CHN1: variants seen among roughly 807,000 people sequenced by gnomAD.
CHN1 encodes N-chimaerin.
Under a neutral mutation model 59.5 loss-of-function variants are expected in CHN1, and 37 were observed. The ratio of observed to expected loss-of-function variants is 0.62; its 90% CI spans 0.48 to 0.82. The LOEUF (loss-of-function observed/expected upper bound fraction) is 0.82. Ranked by LOEUF, CHN1 falls within the 40% of genes least tolerant of loss-of-function variation. The probability of loss-of-function intolerance (pLI) is 0.00; values close to 1 mark genes in which losing one functional copy is unlikely to be tolerated. For synonymous variants in CHN1, 206 were observed against 200.4 expected (o/e 1.03, Z -0.24); for missense variants, 469 against 571.0 (o/e 0.82, Z 1.82).
intron 1 of CHN1, among the ~76,000 whole-genome samples, chr2:174,969,404 C>T (rs551085296): frequency 2.0e-5 from 3 of 152,282 alleles, no homozygotes; most frequent in Non-Finnish European, 2.9e-5. Context: ...GTCATGTGCA[C>T]GCACACCAAT....
At chr2:174,929,321 T>C (rs905840933) in intron 3 of CHN1, among the ~76,000 whole-genome samples, 1 of 152,234 alleles carries the variant, frequency 6.6e-6, no homozygotes, top group African/African-American at 2.4e-5. Context: ...CTGATGCCTG[T>C]AGTCCCAGCC....
chr2:174,919,087 AT>A (rs1244305355), intron 3 of CHN1, among the ~76,000 whole-genome samples: 3 of 152,168 alleles, frequency 2.0e-5, no homozygotes, highest in Non-Finnish European at 4.4e-5. Context: ...ATGCCCAGGA[AT>A]TTTCACAGGA....
intron 3 of CHN1, among the ~76,000 whole-genome samples, chr2:174,943,809 C>G (rs1441396844): frequency 1.3e-5 from 2 of 152,006 alleles, no homozygotes; most frequent in Non-Finnish European, 2.9e-5. Context: ...CAAAAATAAA[C>G]TATATCTACA....
Position 175,005,287 on chromosome 2 carries a change from G to A in CHN1, c.-375C>T. On this transcript the variant is annotated 5_prime_UTR_variant, in exon 1 of 13. Transcript: ENST00000409900. Reference sequence around the variant, plus strand: ...CTGGCGGCGGCGGCGGCGGCGACGGGGAGAGCAGCAGCAGCCTCGCACAGC... The same window carrying A: ...CTGGCGGCGGCGGCGGCGGCGACGGAGAGAGCAGCAGCAGCCTCGCACAGC... 1 of 1,188,362 alleles carries A rather than the reference G, an allele frequency of 8.4e-7. No homozygotes were observed. 73.6% of individuals were successfully genotyped at this position (1,188,362 alleles called of 1,614,324 possible).
chr2:174,843,401 G>T (rs1022580189), intron 7 of CHN1, among the ~76,000 whole-genome samples: 2 of 151,880 alleles, frequency 1.3e-5, no homozygotes, highest in African/African-American at 4.8e-5. Context: ...CACCACACCC[G>T]GCTAATTTTG....
At chr2:174,830,383 A>AG (rs1685837197) in intron 7 of CHN1, among the ~76,000 whole-genome samples, 1 of 152,246 alleles carries the variant, frequency 6.6e-6, no homozygotes, top group African/African-American at 2.4e-5. Context: ...TTAAATTAGG[A>AG]GGAATACTTA....
At chr2:174,811,681 G>T (rs1685079503) in intron 9 of CHN1, 93 bp from the exon 10 acceptor site, 2 of 680,596 alleles carry the variant, frequency 2.9e-6, no homozygotes, top group Admixed American at 3.1e-5. Context: ...TGTGTCAGAA[G>T]AAATAAAATA....
intron 1 of CHN1, among the ~76,000 whole-genome samples, chr2:174,957,740 G>A (rs1391565231): frequency 6.6e-6 from 1 of 152,072 alleles, no homozygotes; most frequent in Non-Finnish European, 1.5e-5. Context: ...GGCTAGGAAG[G>A]GAGGGAGCAC....
chr2:174,923,552 T>C (rs971968086), intron 3 of CHN1, among the ~76,000 whole-genome samples: 1 of 152,174 alleles, frequency 6.6e-6, no homozygotes. Flanking sequence ...CTTCAAATCA[T>C]GAGATCTTTG....
intron 6 of CHN1, among the ~76,000 whole-genome samples, chr2:174,864,765 AGGTAGGAGGATTGCT>A: frequency 6.6e-6 from 1 of 152,234 alleles, no homozygotes; most frequent in East Asian, 1.9e-4. Context: ...TCAGAGGCTC[AGGTAGGAGGATTGCT>A]TTAGTCCAGG....
At chr2:174,870,012 A>T (rs1687354389) in intron 6 of CHN1, among the ~76,000 whole-genome samples, 1 of 152,204 alleles carries the variant, frequency 6.6e-6, no homozygotes, top group African/African-American at 2.4e-5. Flanking sequence ...TATAAGATGA[A>T]GTAATGTAGA....
At chr2:174,894,564 G>T (rs1295016829) in intron 5 of CHN1, among the ~76,000 whole-genome samples, 2 of 147,998 alleles carry the variant, frequency 1.4e-5, no homozygotes, top group Non-Finnish European at 3.0e-5. Context: ...CAGTATGGAG[G>T]TTCCTCACAA....
rs182460413 is a variant in CHN1 at position 174,822,367 on chromosome 2, T to G, written c.712+2067A>C. Among the ~76,000 whole-genome samples the G allele has an allele frequency of 2.6e-3, 391 of 152,324 alleles. 1 individual carries two copies. Among genetic ancestry groups the G allele is most frequent in the African/African-American group, 9.0e-3 (374 of 41,570 alleles). ...TCTCCTTTCCCCCATATTATTGACA[T>G]GATAAATGTTCCAAAACATTTCTTT... On this transcript the variant is annotated intron_variant, in intron 8 of 12. Coordinates refer to ENST00000409900, the MANE Select transcript of CHN1 (RefSeq NM_001822.7).
chr2:174,826,814 C>A (rs374374366), intron 7 of CHN1, among the ~76,000 whole-genome samples: 13 of 152,254 alleles, frequency 8.5e-5, no homozygotes, highest in African/African-American at 3.1e-4. Flanking sequence ...ACCCCATGTT[C>A]TCCAATTAAA....
chr2:174,838,626 C>A (rs539758385), intron 7 of CHN1, among the ~76,000 whole-genome samples: 1 of 152,030 alleles, frequency 6.6e-6, no homozygotes, highest in Non-Finnish European at 1.5e-5. Flanking sequence ...GAAGAGATTA[C>A]GAGAAGGGGC....
At chr2:174,972,529 A>G (rs212364) in intron 1 of CHN1, among the ~76,000 whole-genome samples, 2,765 of 152,312 alleles carry the variant, frequency 0.018, 81 homozygotes, top group African/African-American at 0.062. Flanking sequence ...GTTGGGGATG[A>G]TTAATAAATG....
intron 2 of CHN1, among the ~76,000 whole-genome samples, chr2:174,949,074 C>T (rs961452599): frequency 2.6e-5 from 4 of 152,026 alleles, no homozygotes; most frequent in South Asian, 4.2e-4. Context: ...TATAACAGGT[C>T]GGTCAGTCTT....
intron 3 of CHN1, among the ~76,000 whole-genome samples, chr2:174,930,071 C>T (rs1371185530): frequency 6.6e-6 from 1 of 152,162 alleles, no homozygotes; most frequent in East Asian, 1.9e-4. Context: ...CAGTCGATGG[C>T]CTAATGCCTA....
chr2:174,957,447 G>GGT lies in CHN1; in HGVS notation c.20-5246_20-5245insAC, dbSNP rs1165698749. The stretch of plus-strand genomic sequence containing the variant: ...ATGCCTCTGCTAGGGTGTGTGTGTT[G>GGT]GGGGGGGGGGCAGTTAATTATATTG... On this transcript the variant is annotated intron_variant, in intron 1 of 12. Coordinates refer to ENST00000409900, the MANE Select transcript of CHN1 (RefSeq NM_001822.7). Among the ~76,000 whole-genome samples the GGT allele has an allele frequency of 1.2e-4, 4 of 34,352 alleles. 1 individual carries two copies. The highest frequency in any genetic ancestry group is 2.3e-4 in the Non-Finnish European group (4 of 17,220). 22.5% of individuals were successfully genotyped at this position (34,352 alleles called of 152,430 possible).
Sources: gnomAD v4.1 joint callset for allele counts (sites outside exome capture counted in the v4.1 genomes callset) on GRCh38, gnomAD v4.1.1 for gene constraint, MANE v1.5 for transcripts, NCBI Gene and HGNC (gene_info 2026-07-23, HGNC 2026-07-21) for gene names.